XKR9: variants seen among roughly 807,000 people sequenced by gnomAD.
XKR9 encodes XK-related protein 9.
In XKR9, 32 loss-of-function variants were observed where a neutral mutation model predicts 32.0. The ratio of observed to expected loss-of-function variants is 1.00; its 90% CI spans 0.76 to 1.34. The LOEUF is 1.34. Among genes scored for constraint, XKR9 ranks in the 40% most tolerant of loss-of-function variants. The pLI is 0.00. For missense variants in XKR9, 546 were observed against 429.7 expected (o/e 1.27, Z -2.39); for synonymous variants, 168 against 143.4 (o/e 1.17, Z -1.22).
chr8:70,697,036 A>G (rs1805305829), intron 3 of XKR9, among the ~76,000 whole-genome samples: 1 of 151,884 alleles, frequency 6.6e-6, no homozygotes, highest in Non-Finnish European at 1.5e-5. Context: ...TTGATTTTGT[A>G]TCCTGAGACT....
chr8:71,018,560 A>C, the XKR9 span, among the ~76,000 whole-genome samples: 3 of 152,230 alleles, frequency 2.0e-5, no homozygotes, highest in Admixed American at 2.0e-4. Context: ...GAGTAGTAGA[A>C]AATGAGTTTC....
intron 2 of XKR9, among the ~76,000 whole-genome samples, chr8:70,761,899 AATT>A (rs1459860009): frequency 7.6e-6 from 1 of 131,936 alleles, no homozygotes; most frequent in Non-Finnish European, 1.8e-5. Context: ...GTCCAGTTTC[AATT>A]TTTTTTTGCA....
chr8:70,976,621 G>C, the XKR9 span, among the ~76,000 whole-genome samples: 2 of 152,166 alleles, frequency 1.3e-5, no homozygotes, highest in African/African-American at 2.4e-5. Context: ...CAGTTTGCCA[G>C]TATTTTATGG....
the XKR9 span, among the ~76,000 whole-genome samples, chr8:70,893,396 A>C: frequency 6.6e-6 from 1 of 152,028 alleles, no homozygotes; most frequent in African/African-American, 2.4e-5. Flanking sequence ...TGGTGCTGTC[A>C]TATTTCCTTG....
At chr8:70,782,378 A>T (rs993687562) in intron 2 of XKR9, among the ~76,000 whole-genome samples, 90 of 152,298 alleles carry the variant, frequency 5.9e-4, no homozygotes, top group African/African-American at 2.1e-3. Flanking sequence ...TAACATATCC[A>T]TCACTTCAAA....
chr8:71,005,476 A>T, the XKR9 span, among the ~76,000 whole-genome samples: 1 of 151,954 alleles, frequency 6.6e-6, no homozygotes, highest in Non-Finnish European at 1.5e-5. Flanking sequence ...CACCTGCCTC[A>T]GCTTCCCGAA....
At chr8:71,012,030 A>AG in the XKR9 span, among the ~76,000 whole-genome samples, 13 of 121,086 alleles carry the variant, frequency 1.1e-4, no homozygotes, top group East Asian at 2.0e-4. Flanking sequence ...TGTCATCTAT[A>AG]GGGGGAAAAA....
the XKR9 span, among the ~76,000 whole-genome samples, chr8:70,931,949 G>A: frequency 1.3e-5 from 2 of 152,128 alleles, no homozygotes. Flanking sequence ...GAGATTTGGA[G>A]GAGACATACA....
the XKR9 span, among the ~76,000 whole-genome samples, chr8:71,044,571 G>A: frequency 6.6e-6 from 1 of 152,202 alleles, no homozygotes; most frequent in Non-Finnish European, 1.5e-5. Flanking sequence ...GTTTGTGCAT[G>A]CAGTGAAAAA....
the XKR9 span, among the ~76,000 whole-genome samples, chr8:70,949,089 T>C: frequency 6.6e-6 from 1 of 152,208 alleles, no homozygotes; most frequent in African/African-American, 2.4e-5. Context: ...TGGGCTGGGA[T>C]GTCTCCTTCA....
chr8:71,036,999 C>G, the XKR9 span, among the ~76,000 whole-genome samples: 1 of 151,996 alleles, frequency 6.6e-6, no homozygotes, highest in Non-Finnish European at 1.5e-5. Context: ...TAGGCATGAG[C>G]CACCACGCCT....
At chr8:70,784,890 ATTT>A (rs879865952) in intron 2 of XKR9, among the ~76,000 whole-genome samples, 1 of 144,668 alleles carries the variant, frequency 6.9e-6, no homozygotes, top group South Asian at 2.2e-4. Flanking sequence ...ATTTGGTGAG[ATTT>A]TTTTTTTTTT....
chr8:70,889,073 A>G, the XKR9 span, among the ~76,000 whole-genome samples: 7 of 151,914 alleles, frequency 4.6e-5, no homozygotes, highest in Admixed American at 4.6e-4. Flanking sequence ...TGAGTCTTCC[A>G]ATTTATAAAT....
chr8:70,742,492 G>A (rs535995272), intron 2 of XKR9, among the ~76,000 whole-genome samples: 9 of 152,084 alleles, frequency 5.9e-5, no homozygotes, highest in South Asian at 4.2e-4. Flanking sequence ...AGTGTTCTTC[G>A]TTTTTTTCTG....
chr8:70,859,632 T>C, the XKR9 span, among the ~76,000 whole-genome samples: 5 of 152,266 alleles, frequency 3.3e-5, no homozygotes, highest in East Asian at 9.6e-4. Flanking sequence ...ATGGTATATA[T>C]ACACAATGGA....
chr8:71,002,645 A>T, the XKR9 span, among the ~76,000 whole-genome samples: 1 of 152,366 alleles, frequency 6.6e-6, no homozygotes, highest in East Asian at 1.9e-4. Flanking sequence ...TAAATATGCC[A>T]TTCGGTGAAG....
the XKR9 span, among the ~76,000 whole-genome samples, chr8:70,842,277 T>C: frequency 2.0e-5 from 3 of 152,170 alleles, no homozygotes; most frequent in Non-Finnish European, 4.4e-5. Context: ...CTGTGTGCTT[T>C]TGAAATATCT....
chr8:70,730,333 A>C (rs1279154897), intron 4 of XKR9, among the ~76,000 whole-genome samples: 1 of 152,198 alleles, frequency 6.6e-6, no homozygotes, highest in Non-Finnish European at 1.5e-5. Context: ...AGTTTAAATT[A>C]GTTTAACCAT....
the XKR9 span, among the ~76,000 whole-genome samples, chr8:71,048,153 T>C: frequency 6.6e-6 from 1 of 152,224 alleles, no homozygotes; most frequent in Admixed American, 6.5e-5. Flanking sequence ...AAATATGACA[T>C]GATTTATTTG....
Sources: gnomAD v4.1 joint callset for allele counts (sites outside exome capture counted in the v4.1 genomes callset) on GRCh38, gnomAD v4.1.1 for gene constraint, MANE v1.5 for transcripts, NCBI Gene and HGNC (gene_info 2026-07-23, HGNC 2026-07-21) for gene names.